Variants in DDX1 observed in about 807,000 individuals in gnomAD.
DDX1 encodes the protein DEAD-box helicase 1.
In DDX1, 28 loss-of-function variants were observed where a neutral mutation model predicts 108.7. The observed-to-expected ratio is 0.26, with a 90% confidence interval of 0.19 to 0.35. The LOEUF is 0.35. Among genes scored for constraint, DDX1 ranks in the 10% least tolerant of loss-of-function variants. The pLI is 1.00. For missense variants in DDX1, 710 were observed against 884.5 expected, an observed-to-expected ratio of 0.80 and a Z score of 2.50; for synonymous variants, 295 against 288.9, an observed-to-expected ratio of 1.02 and a Z score of -0.21.
intron 7 of DDX1, 107 bp downstream of exon 7, chr2:15,602,738 C>CGCCCGGGCTGGAGG (rs938552109): frequency 1.6e-4 from 133 of 846,448 alleles, no homozygotes; most frequent in Non-Finnish European, 2.1e-4. Context: ...TCTCGCACGT[C>CGCCCGGGCTGGAGG]GCCCGGGCTG....
intron 10 of DDX1, 22 bp from the exon 11 acceptor site, chr2:15,605,928 T>C: frequency 6.7e-7 from 1 of 1,497,072 alleles, no homozygotes; most frequent in South Asian, 1.3e-5. Flanking sequence ...TTTTAATCTC[T>C]CTCTCTCTCT....
In DDX1 at chr2:15,618,227, A is replaced by T; in HGVS notation, c.1163A>T (p.His388Leu). 1 of 1,593,334 alleles carries T rather than the reference A, an allele frequency of 6.3e-7. No homozygotes were observed. The highest frequency in any genetic ancestry group is 8.6e-7 in the Non-Finnish European group (1 of 1,165,328). ...TATTCTGATTTTATAAATAGGATGCACAATCAGATTCCTCAGGTTACCTCT... is the reference window on the plus strand; with the variant it reads ...TATTCTGATTTTATAAATAGGATGCTCAATCAGATTCCTCAGGTTACCTCT... ...QGYSDFINRM[H>L]NQIPQVTSDG... The change falls in exon 16 of 26, where the codon CAC (histidine) becomes CTC (leucine). Residue 388 changes from histidine (H) to leucine (L), a missense_variant. His to Leu is a moderately conservative substitution (Grantham distance 99). Coordinates refer to ENST00000233084, the MANE Select transcript of DDX1 (RefSeq NM_004939.3).
At chr2:15,623,902 C>A (rs757934421) in intron 19 of DDX1, among the ~76,000 whole-genome samples, 10 of 151,540 alleles carry the variant, frequency 6.6e-5, no homozygotes, top group Non-Finnish European at 1.5e-4. Context: ...GAATGTATGT[C>A]TTTTAAACCA....
At chr2:15,606,751 CTTGT>C (rs1294768057) in intron 12 of DDX1, among the ~76,000 whole-genome samples, 18 of 152,206 alleles carry the variant, frequency 1.2e-4, no homozygotes, top group African/African-American at 4.1e-4. Context: ...TATTTCATAA[CTTGT>C]TTGTCACAAA....
intron 12 of DDX1, among the ~76,000 whole-genome samples, 190 bp downstream of exon 12, chr2:15,606,454 T>C (rs1337466879): frequency 6.6e-6 from 1 of 152,214 alleles, no homozygotes; most frequent in East Asian, 1.9e-4. Flanking sequence ...TTGGTTTCAG[T>C]GTAGGCATTT....
rs183163402 is a variant in DDX1 at position 15,629,835 on chromosome 2, C to T, written c.1971+138C>T. The T allele has an allele frequency of 7.0e-6, 7 of 995,904 alleles. No individual in the cohort carries two copies. In the East Asian group the frequency reaches 1.8e-4, roughly 26 times the overall value. The allele number at this position is 995,904 out of a possible 1,614,324, so 61.7% of individuals were successfully genotyped here. On this transcript the variant is annotated intron_variant, in intron 24 of 25. Transcript: ENST00000233084. Reference sequence around the variant, plus strand: ...TCGTAGTTGGTTATAATGTTATCTGCACTTTGCTAATTGTAAGTTGTGAAT... The same window carrying T: ...TCGTAGTTGGTTATAATGTTATCTGTACTTTGCTAATTGTAAGTTGTGAAT...
chr2:15,619,359 G>A (rs979218942), intron 16 of DDX1, among the ~76,000 whole-genome samples: 2 of 152,180 alleles, frequency 1.3e-5, no homozygotes, highest in African/African-American at 4.8e-5. Flanking sequence ...TGGAGACTCT[G>A]GGCCTGGGAG....
In DDX1 at chr2:15,621,055, CT is replaced by C; in HGVS notation, c.1396-6del. On this transcript the variant is annotated splice_polypyrimidine_tract_variant and intron_variant, in intron 17 of 25. Coordinates refer to ENST00000233084, the MANE Select transcript of DDX1 (RefSeq NM_004939.3). The stretch of plus-strand genomic sequence containing the variant: ...TCCTCTATCCTGTTTTTATTCCTTG[CT>C]TTTGATAGACTGATGATGTACATGC... The C allele has an allele frequency of 6.3e-7, 1 of 1,595,186 alleles. No individual in the cohort carries two copies. Among genetic ancestry groups the C allele is most frequent in the Non-Finnish European group, 8.6e-7 (1 of 1,164,696 alleles).
chr2:15,611,459 G>A lies in DDX1; in HGVS notation c.957-1765G>A, dbSNP rs1368379712. On this transcript the variant is annotated intron_variant, in intron 13 of 25. Coordinates refer to ENST00000233084, the MANE Select transcript of DDX1 (RefSeq NM_004939.3). ...GGGCTCCTCACCTCCCAGTAGGGACGGCCGGGCAGAGGCTCCCCCCACCTC... is the reference window on the plus strand; with the variant it reads ...GGGCTCCTCACCTCCCAGTAGGGACAGCCGGGCAGAGGCTCCCCCCACCTC... 3.4e-5 allele frequency among the ~76,000 whole-genome samples: 5 copies of A among 146,408 alleles called. 1 individual carries two copies. The highest frequency in any genetic ancestry group is 7.9e-5 in the African/African-American group (3 of 38,186).
chr2:15,626,508 G>C (rs955881222), intron 19 of DDX1, among the ~76,000 whole-genome samples: 1 of 151,998 alleles, frequency 6.6e-6, no homozygotes, highest in Non-Finnish European at 1.5e-5. Flanking sequence ...GTTTTCTTTT[G>C]GGGGGTTGGC....
intron 6 of DDX1, among the ~76,000 whole-genome samples, chr2:15,601,654 A>C (rs2148738534): frequency 6.6e-6 from 1 of 152,344 alleles, no homozygotes; most frequent in African/African-American, 2.4e-5. Context: ...GTGTTCAGCT[A>C]TCCTGGAAGC....
rs577176596 is a variant in DDX1, at chr2:15,595,788, C to T, written c.132+235C>T. 4.9e-4 allele frequency among the ~76,000 whole-genome samples: 75 copies of T among 152,142 alleles called. 1 individual carries two copies. The highest frequency in any genetic ancestry group is 1.5e-3 in the African/African-American group (63 of 41,468). On this transcript the variant is annotated intron_variant, in intron 3 of 25. Transcript: ENST00000233084. Reference sequence around the variant, plus strand: ...CGTATCAGAGAGAATGTGGCTTCTTCGTAAGAGATGCAGAGTAGTATAGAA... The same window carrying T: ...CGTATCAGAGAGAATGTGGCTTCTTTGTAAGAGATGCAGAGTAGTATAGAA...
intron 1 of DDX1, among the ~76,000 whole-genome samples, chr2:15,593,209 G>A (rs893314889): frequency 6.6e-6 from 1 of 152,124 alleles, no homozygotes; most frequent in African/African-American, 2.4e-5. Flanking sequence ...TAAGATTTCT[G>A]ACTGTTTCAG....
Position 15,596,760 on chromosome 2 carries a change from T to C in DDX1, c.159T>C (p.Thr53=). The C allele has an allele frequency of 6.2e-7, 1 of 1,609,128 alleles. No individual in the cohort carries two copies. The highest frequency in any genetic ancestry group is 2.2e-5 in the East Asian group (1 of 44,830). Residue 53 remains threonine, a synonymous_variant, in exon 4 of 26, where the codon ACT becomes ACC. Transcript: ENST00000233084. ...CTGCAGAAACAGGAAGTGGCAAAAC[T>C]GGTGTAAGTAATAAATTATATTTAC... ...LMAAETGSGK[T]GAFSIPVIQI... is the part of the protein sequence containing the mutation.
At chr2:15,608,708 AGGCTGAAGTAAGT>A (rs545172445) in intron 13 of DDX1, among the ~76,000 whole-genome samples, 198 of 118,376 alleles carry the variant, frequency 1.7e-3, no homozygotes, top group African/African-American at 6.2e-3. Flanking sequence ...TATGTTGCCC[AGGCTGAAGTAAGT>A]GGCTGTTCAC....
chr2:15,593,834 T>C (rs933532720), intron 1 of DDX1, among the ~76,000 whole-genome samples: 6 of 152,042 alleles, frequency 3.9e-5, no homozygotes, highest in African/African-American at 1.4e-4. Context: ...CCCAGCACTT[T>C]GGGAGTCCAA....
intron 13 of DDX1, among the ~76,000 whole-genome samples, chr2:15,612,412 G>C (rs1302797314): frequency 6.6e-6 from 1 of 151,768 alleles, no homozygotes; most frequent in African/African-American, 2.4e-5. Context: ...ATGGGATGGC[G>C]GCCGGGAAGA....
chr2:15,609,108 T>G (rs1213206317), intron 13 of DDX1, among the ~76,000 whole-genome samples: 2 of 152,148 alleles, frequency 1.3e-5, no homozygotes, highest in African/African-American at 4.8e-5. Context: ...ATAAATGCCT[T>G]GAGCATACCA....
At chr2:15,615,324 C>G (rs1025713458) in intron 14 of DDX1, among the ~76,000 whole-genome samples, 1 of 152,130 alleles carries the variant, frequency 6.6e-6, no homozygotes, top group Non-Finnish European at 1.5e-5. Flanking sequence ...AAACAAAACC[C>G]TGAGAGGCCT....
Sources: gnomAD v4.1 joint callset for allele counts (sites outside exome capture counted in the v4.1 genomes callset) on GRCh38, gnomAD v4.1.1 for gene constraint, MANE v1.5 for transcripts, NCBI Gene and HGNC (gene_info 2026-07-23, HGNC 2026-07-21) for gene names.